The following MCU variants were observed in gnomAD, a reference collection of about 807,000 sequenced individuals.
MCU encodes the protein mitochondrial calcium uniporter.
In MCU, 12 loss-of-function variants were observed where a neutral mutation model predicts 45.2. That is an observed-to-expected ratio of 0.27 (90% confidence interval 0.17 to 0.43). MCU has a LOEUF of 0.43. Among genes scored for constraint, MCU ranks in the 20% least tolerant of loss-of-function variants. The pLI, the probability that MCU is intolerant of heterozygous loss-of-function variation, is 1.00. For missense variants in MCU, 324 were observed against 436.7 expected (o/e 0.74, Z 2.30); for synonymous variants, 160 against 165.1 (o/e 0.97, Z 0.24).
intron 7 of MCU, 122 bp downstream of exon 7, chr10:72,884,504 A>G (rs1845750360): frequency 3.1e-6 from 2 of 637,406 alleles, no homozygotes; most frequent in South Asian, 3.9e-5. Flanking sequence ...TTCTTCCTGT[A>G]TAAATTATTC....
At chr10:72,800,565 T>C (rs1355500032) in intron 1 of MCU, among the ~76,000 whole-genome samples, 1 of 152,120 alleles carries the variant, frequency 6.6e-6, no homozygotes, top group Non-Finnish European at 1.5e-5. Flanking sequence ...ACTTAATGAG[T>C]CCATATATCT....
At chr10:72,882,164 C>A (rs1387815695) in intron 6 of MCU, among the ~76,000 whole-genome samples, 1 of 152,172 alleles carries the variant, frequency 6.6e-6, no homozygotes, top group African/African-American at 2.4e-5. Flanking sequence ...TTTCCTCTGC[C>A]TGTCTTTACT....
At chr10:72,775,222 A>G (rs1843872582) in intron 1 of MCU, among the ~76,000 whole-genome samples, 1 of 152,206 alleles carries the variant, frequency 6.6e-6, no homozygotes, top group Non-Finnish European at 1.5e-5. Context: ...GAATAAAACT[A>G]GAAATCAATA....
At chr10:72,703,629 G>T (rs1842784270) in intron 1 of MCU, among the ~76,000 whole-genome samples, 1 of 152,188 alleles carries the variant, frequency 6.6e-6, no homozygotes, top group Non-Finnish European at 1.5e-5. Context: ...AAGTGGCTGG[G>T]CATGGTGGCT....
intron 1 of MCU, among the ~76,000 whole-genome samples, chr10:72,764,603 A>G (rs1843699373): frequency 6.6e-6 from 1 of 152,200 alleles, no homozygotes; most frequent in Non-Finnish European, 1.5e-5. Flanking sequence ...TGGTGATTAT[A>G]CTTTTTCATT....
At chr10:72,785,537 T>C (rs1844059304) in intron 1 of MCU, among the ~76,000 whole-genome samples, 2 of 152,218 alleles carry the variant, frequency 1.3e-5, no homozygotes, top group Admixed American at 1.3e-4. Flanking sequence ...AAGTCATGCT[T>C]GTTGAGTAGG....
chr10:72,855,013 G>A (rs1201493166), intron 2 of MCU, among the ~76,000 whole-genome samples: 1 of 152,244 alleles, frequency 6.6e-6, no homozygotes. Flanking sequence ...AGGCCAAGGC[G>A]GGCGGATCAT....
In MCU at chr10:72,885,907, TGTG is replaced by T; in HGVS notation, c.*87_*89del. 1 of 1,071,580 alleles carries T rather than the reference TGTG, an allele frequency of 9.3e-7. No homozygotes were observed. The highest frequency in any genetic ancestry group is 1.3e-5 in the South Asian group (1 of 76,302). The allele number at this position is 1,071,580 out of a possible 1,614,324, so 66.4% of individuals were successfully genotyped here. On this transcript the variant is annotated 3_prime_UTR_variant, in exon 8 of 8. Transcript: ENST00000373053. ...CATTGCAGGTGGAAGCTGGGAGCCA[TGTG>T]GGGGGTAGAGCGTTTTTACCTTTAA...
At chr10:72,729,153 T>C (rs1025178550) in intron 1 of MCU, among the ~76,000 whole-genome samples, 3 of 152,172 alleles carry the variant, frequency 2.0e-5, no homozygotes, top group African/African-American at 7.2e-5. Flanking sequence ...AATAGCATTA[T>C]ATAGTAAAGT....
chr10:72,859,485 A>C (rs1845343989), intron 3 of MCU, 138 bp downstream of exon 3: 1 of 652,614 alleles, frequency 1.5e-6, no homozygotes, highest in Non-Finnish European at 2.5e-6. Flanking sequence ...TCTTTTGCTT[A>C]GCACTTACCA....
At chr10:72,812,194 T>A (rs773929274) in intron 1 of MCU, among the ~76,000 whole-genome samples, 18 of 152,164 alleles carry the variant, frequency 1.2e-4, no homozygotes, top group Non-Finnish European at 2.1e-4. Flanking sequence ...CTGCCCAGGC[T>A]AGAGTGCAGT....
At chr10:72,845,001 T>G (rs762621529) in intron 2 of MCU, among the ~76,000 whole-genome samples, 8 of 152,066 alleles carry the variant, frequency 5.3e-5, no homozygotes, top group Non-Finnish European at 1.2e-4. Flanking sequence ...AAAACTAAGA[T>G]AAATTTGGAA....
At chr10:72,858,233 G>C (rs1468744521) in intron 2 of MCU, among the ~76,000 whole-genome samples, 2 of 152,188 alleles carry the variant, frequency 1.3e-5, no homozygotes, top group African/African-American at 4.8e-5. Flanking sequence ...TATGAAAGGA[G>C]AAATGTGTGT....
At chr10:72,698,163 T>C (rs1163054863) in intron 1 of MCU, among the ~76,000 whole-genome samples, 1 of 152,190 alleles carries the variant, frequency 6.6e-6, no homozygotes, top group African/African-American at 2.4e-5. Flanking sequence ...TTTGAACTTT[T>C]CTAAGTCCCA....
chr10:72,759,763 T>C (rs74145945), intron 1 of MCU, among the ~76,000 whole-genome samples: 5,724 of 152,166 alleles, frequency 0.038, 372 homozygotes, highest in African/African-American at 0.13. Context: ...AATGAAGTCA[T>C]AAGGGTGGAC....
At chr10:72,812,234 C>T (rs1257003763) in intron 1 of MCU, among the ~76,000 whole-genome samples, 1 of 151,228 alleles carries the variant, frequency 6.6e-6, no homozygotes, top group Non-Finnish European at 1.5e-5. Context: ...GCAGCCTCCA[C>T]TGCCCGATTC....
At chr10:72,885,331 T>C (rs1431172445) in intron 7 of MCU, among the ~76,000 whole-genome samples, 1 of 152,258 alleles carries the variant, frequency 6.6e-6, no homozygotes, top group Non-Finnish European at 1.5e-5. Context: ...ATTCACTGGC[T>C]AAGTAAAAAC....
chr10:72,820,427 G>T (rs1052216463), intron 1 of MCU, among the ~76,000 whole-genome samples: 3 of 151,870 alleles, frequency 2.0e-5, no homozygotes, highest in African/African-American at 7.3e-5. Context: ...AAACATTTAG[G>T]TGATTATTTG....
At chr10:72,816,939 A>G (rs974806816) in intron 1 of MCU, among the ~76,000 whole-genome samples, 10 of 152,220 alleles carry the variant, frequency 6.6e-5, no homozygotes, top group African/African-American at 2.2e-4. Context: ...AAAGTGTTCT[A>G]CAGCAAACTT....
Sources: allele counts gnomAD v4.1 joint callset (sites outside exome capture counted in the v4.1 genomes callset), GRCh38; gene constraint gnomAD v4.1.1; transcripts MANE v1.5; gene names NCBI Gene and HGNC (gene_info 2026-07-23, HGNC 2026-07-21).